CEP112: variants seen among roughly 807,000 people sequenced by gnomAD.
The protein encoded by CEP112 is centrosomal protein 112.
A neutral mutation model predicts 153.0 loss-of-function variants in CEP112; 127 were observed. The ratio of observed to expected loss-of-function variants is 0.83; its 90% confidence interval spans 0.72 to 0.96. CEP112 has a LOEUF of 0.96. CEP112 is among the 40% of genes least tolerant of loss of function. The probability of loss-of-function intolerance (pLI) is 0.00; values close to 1 mark genes in which losing one functional copy is unlikely to be tolerated. For synonymous variants in CEP112, 358 were observed against 374.4 expected, an observed-to-expected ratio of 0.96 and a Z score of 0.51; for missense variants, 1,089 against 1,101.2, an observed-to-expected ratio of 0.99 and a Z score of 0.16.
At position 66,167,788 on chromosome 17, in the gene CEP112, A is replaced by G. The variant is rs142338833; in HGVS notation, c.470+7256T>C. Among the ~76,000 whole-genome samples, 344 of 152,312 alleles carry G rather than the reference A, an allele frequency of 2.3e-3. 10 individuals are homozygous for G. The East Asian group carries it at 0.059, about 26-fold the overall frequency. On this transcript the variant is annotated intron_variant, in intron 4 of 26. Coordinates refer to ENST00000535342, the MANE Select transcript of CEP112 (RefSeq NM_001199165.4). The stretch of plus-strand genomic sequence containing the variant: ...GTCACTGGACTTTCCTGAAGCTGTT[A>G]TCTTGTCTATAAATACAAAAGGGCA...
At chr17:65,775,512 T>C (rs2053627209) in intron 21 of CEP112, among the ~76,000 whole-genome samples, 1 of 39,150 alleles carries the variant, frequency 2.6e-5, no homozygotes. Flanking sequence ...TAAATTTTAT[T>C]TTTTTTTGAG....
In CEP112 at chr17:65,702,744, G is replaced by A. The variant is rs542087805; in HGVS notation, c.2608-13526C>T. Among the ~76,000 whole-genome samples, 94 of 152,268 alleles carry A rather than the reference G, an allele frequency of 6.2e-4. No individual in the cohort carries two copies. In the South Asian group the frequency reaches 0.018, roughly 30 times the overall value. ...TGGACTCACAGTTCCACATGGCTGG[G>A]GAGGCCTCATAATCATGGCGGAAGG... is the stretch of plus-strand genomic sequence containing the variant. On this transcript the variant is annotated intron_variant, in intron 23 of 26. Coordinates refer to ENST00000535342, the MANE Select transcript of CEP112 (RefSeq NM_001199165.4).
rs988833780 is a variant in CEP112, at chr17:66,096,606, C to T, written c.669G>A (p.Gln223=). 1.3e-6 allele frequency: 2 copies of T among 1,594,782 alleles called. No homozygotes were observed. Among genetic ancestry groups the T allele is most frequent in the African/African-American group, 2.7e-5 (2 of 74,536 alleles). Residue 223 remains glutamine (Q), a synonymous_variant, in exon 7 of 27, where the codon CAG becomes CAA. Transcript: ENST00000535342. ...ATACCAGAGAAACTGGGATAGGCTT[C>T]TGTCTCAGGTATCGAGGATTTTCTA... ...LGIENPRYLR[Q]KPIPVSLMTP... is the part of the protein sequence containing the mutation.
rs149627049 is a variant in CEP112, at chr17:65,754,495, G to A, written c.2395-3771C>T. On this transcript the variant is annotated intron_variant, in intron 21 of 26. Coordinates refer to ENST00000535342, the MANE Select transcript of CEP112 (RefSeq NM_001199165.4). ...GTGGTGGTGCATGCCTGTAATCCCA[G>A]CTACTTGGGAGGGTGAAGCAAGAGA... Among the ~76,000 whole-genome samples, 76 of 152,278 alleles carry A rather than the reference G, an allele frequency of 5.0e-4. 1 individual carries two copies. In the East Asian group the frequency reaches 0.014, roughly 27 times the overall value.
chr17:65,681,803 A>G (rs1415866037), intron 24 of CEP112, among the ~76,000 whole-genome samples: 1 of 149,728 alleles, frequency 6.7e-6, no homozygotes, highest in African/African-American at 2.5e-5. Context: ...CCTTCTGAGT[A>G]TCTAGGACTA....
At position 65,917,438 on chromosome 17, in the gene CEP112, C is replaced by T. The variant is rs560615481; in HGVS notation, c.1980+10144G>A. Among the ~76,000 whole-genome samples, 189 of 150,930 alleles carry T rather than the reference C, an allele frequency of 1.3e-3. 3 individuals carry two copies. In the South Asian group the frequency reaches 0.038, roughly 31 times the overall value. Reference sequence around the variant, plus strand: ...TCCATTTGGAAGGGATTTTAGGGAGCCCCACAAATCCATGGTCATTTACCA... The same window carrying T: ...TCCATTTGGAAGGGATTTTAGGGAGTCCCACAAATCCATGGTCATTTACCA... On this transcript the variant is annotated intron_variant, in intron 19 of 26. Coordinates refer to ENST00000535342, the MANE Select transcript of CEP112 (RefSeq NM_001199165.4).
intron 21 of CEP112, among the ~76,000 whole-genome samples, chr17:65,759,878 T>C (rs1469045094): frequency 6.6e-6 from 1 of 152,182 alleles, no homozygotes; most frequent in African/African-American, 2.4e-5. Context: ...ATAAATCTGT[T>C]GTAAGTACAA....
chr17:65,967,474 A>G (rs992469136), intron 17 of CEP112, among the ~76,000 whole-genome samples: 1 of 152,210 alleles, frequency 6.6e-6, no homozygotes, highest in African/African-American at 2.4e-5. Context: ...TATAGAAAAC[A>G]TAAAAGAAGT....
intron 21 of CEP112, among the ~76,000 whole-genome samples, chr17:65,801,236 T>G (rs1598623047): frequency 6.6e-6 from 1 of 152,140 alleles, no homozygotes; most frequent in Non-Finnish European, 1.5e-5. Context: ...TATTTCTAAT[T>G]TTTGTAGAGA....
intron 6 of CEP112, among the ~76,000 whole-genome samples, chr17:66,129,468 T>C (rs936856238): frequency 1.3e-5 from 2 of 152,206 alleles, no homozygotes; most frequent in African/African-American, 4.8e-5. Context: ...TATTCTACCA[T>C]ATACTATCTT....
intron 9 of CEP112, among the ~76,000 whole-genome samples, chr17:66,069,574 A>G (rs1248989769): frequency 2.0e-5 from 3 of 152,106 alleles, no homozygotes; most frequent in Non-Finnish European, 4.4e-5. Flanking sequence ...AAATTCTAGT[A>G]TTTACCATTG....
At chr17:66,157,928 C>A (rs747029587) in intron 4 of CEP112, among the ~76,000 whole-genome samples, 44 of 152,222 alleles carry the variant, frequency 2.9e-4, no homozygotes, top group Middle Eastern at 3.4e-3. Flanking sequence ...GACTCCCACA[C>A]AAGAATAGTG....
chr17:66,005,670 T>C lies in CEP112; in HGVS notation c.1736+20A>G. On this transcript the variant is annotated intron_variant, in intron 17 of 26. Transcript: ENST00000535342. ...TAATAAAGGGTAGTTTTAAATCAAA[T>C]GCATTACAATTTTACTCACTTCAAA... The C allele has an allele frequency of 6.2e-7, 1 of 1,601,060 alleles. No individual in the cohort carries two copies. The highest frequency in any genetic ancestry group is 8.5e-7 in the Non-Finnish European group (1 of 1,175,964).
At chr17:65,971,555 CAT>C (rs996045298) in intron 17 of CEP112, among the ~76,000 whole-genome samples, 138 of 152,282 alleles carry the variant, frequency 9.1e-4, no homozygotes, top group African/African-American at 2.9e-3. Context: ...ATGTATGTTA[CAT>C]GTGTGTTGTA....
At chr17:65,726,002 T>C (rs2050159255) in intron 23 of CEP112, among the ~76,000 whole-genome samples, 1 of 152,090 alleles carries the variant, frequency 6.6e-6, no homozygotes, top group African/African-American at 2.4e-5. Context: ...GTCTTTATGT[T>C]TGAGCACCCA....
At chr17:66,043,428 TAAC>T (rs67415794) in intron 12 of CEP112, among the ~76,000 whole-genome samples, 62,257 of 151,838 alleles carry the variant, frequency 0.41, 14,198 homozygotes, top group East Asian at 0.87. Context: ...ATGAATATTT[TAAC>T]AACTGTAACT....
chr17:65,919,135 G>A (rs182248322), intron 19 of CEP112, among the ~76,000 whole-genome samples: 27 of 152,350 alleles, frequency 1.8e-4, no homozygotes, highest in African/African-American at 6.5e-4. Context: ...AGCAGCCTCT[G>A]CAAGCTGGAA....
intron 23 of CEP112, among the ~76,000 whole-genome samples, chr17:65,721,160 G>A (rs1032206008): frequency 2.6e-5 from 4 of 151,988 alleles, no homozygotes; most frequent in Non-Finnish European, 5.9e-5. Flanking sequence ...ACAGGTGCTC[G>A]CTACCATGCC....
At chr17:66,019,469 C>T (rs2064910513) in intron 16 of CEP112, among the ~76,000 whole-genome samples, 1 of 152,016 alleles carries the variant, frequency 6.6e-6, no homozygotes, top group African/African-American at 2.4e-5. Flanking sequence ...GAGATCACAG[C>T]AGGTTTAATA....
Sources: allele counts gnomAD v4.1 joint callset (sites outside exome capture counted in the v4.1 genomes callset), GRCh38; gene constraint gnomAD v4.1.1; transcripts MANE v1.5; gene names NCBI Gene and HGNC (gene_info 2026-07-23, HGNC 2026-07-21).